SERPINE2: variants seen among roughly 807,000 people sequenced by gnomAD.
SERPINE2 encodes glia-derived nexin.
In SERPINE2, 14 loss-of-function variants were observed where a neutral mutation model predicts 36.3. The ratio of observed to expected loss-of-function variants is 0.39; its 90% CI spans 0.25 to 0.60. The LOEUF (loss-of-function observed/expected upper bound fraction) is 0.60. Ranked by LOEUF, SERPINE2 falls within the 20% of genes least tolerant of loss-of-function variation. SERPINE2 has a pLI of 0.57. For synonymous variants in SERPINE2, 192 were observed against 191.8 expected (o/e 1.00, Z -0.01); for missense variants, 418 against 499.6 (o/e 0.84, Z 1.56).
intron 5 of SERPINE2, among the ~76,000 whole-genome samples, chr2:223,983,614 C>T (rs527599008): frequency 1.3e-5 from 2 of 151,726 alleles, no homozygotes; most frequent in African/African-American, 2.4e-5. Context: ...GCATAGGTGA[C>T]ACGGTATTAT....
At chr2:224,038,153 T>C (rs1180792387) in intron 1 of SERPINE2, among the ~76,000 whole-genome samples, 1 of 152,202 alleles carries the variant, frequency 6.6e-6, no homozygotes, top group Non-Finnish European at 1.5e-5. Flanking sequence ...AATTATCACA[T>C]ATATTGTTCC....
intron 1 of SERPINE2, among the ~76,000 whole-genome samples, chr2:224,025,827 T>C (rs575873919): frequency 2.7e-5 from 4 of 150,812 alleles, no homozygotes; most frequent in South Asian, 2.1e-4. Context: ...GGCAAAAATA[T>C]ATTGACGATC....
At position 223,997,200 on chromosome 2, in the gene SERPINE2, G is replaced by GT. The variant is rs538402860; in HGVS notation, c.487+914dup. Among the ~76,000 whole-genome samples the GT allele has an allele frequency of 8.1e-5, 11 of 136,486 alleles. No individual in the cohort carries two copies. The South Asian group carries it at 2.0e-3, about 25-fold the overall frequency. 89.5% of individuals were successfully genotyped at this position (136,486 alleles called of 152,430 possible). On this transcript the variant is annotated intron_variant, in intron 3 of 8. Coordinates refer to ENST00000409304, the MANE Select transcript of SERPINE2 (RefSeq NM_001136528.2). ...CTGGACCTCCACGTTACAAATTAAG[G>GT]TTTTTTTGTTTTTTTGTTTCTTTTT...
chr2:223,982,944 A>AGAGAG (rs1690275314), intron 5 of SERPINE2, among the ~76,000 whole-genome samples, 163 bp from the exon 6 acceptor site: 2 of 152,260 alleles, frequency 1.3e-5, no homozygotes, highest in African/African-American at 4.8e-5. Context: ...CAGATAAGTA[A>AGAGAG]AGGACAACTC....
intron 1 of SERPINE2, among the ~76,000 whole-genome samples, chr2:224,005,058 ATATATAT>A (rs1250715401): frequency 1.2e-4 from 1 of 8,032 alleles, no homozygotes; most frequent in African/African-American, 3.5e-4. Flanking sequence ...TATATATTTT[ATATATAT>A]TATATATATA....
intron 1 of SERPINE2, among the ~76,000 whole-genome samples, chr2:224,020,648 G>A (rs187557793): frequency 5.6e-4 from 86 of 152,276 alleles, no homozygotes; most frequent in African/African-American, 1.7e-3. Flanking sequence ...AATGCCCCAC[G>A]AGTCATTTAA....
At chr2:224,029,261 G>A (rs1692283094) in intron 1 of SERPINE2, among the ~76,000 whole-genome samples, 1 of 152,148 alleles carries the variant, frequency 6.6e-6, no homozygotes, top group African/African-American at 2.4e-5. Flanking sequence ...TTACAATTAA[G>A]TCATCACACA....
chr2:224,004,482 ACGGGC>A (rs1691317062), intron 1 of SERPINE2, among the ~76,000 whole-genome samples: 2 of 152,194 alleles, frequency 1.3e-5, no homozygotes, highest in African/African-American at 4.8e-5. Flanking sequence ...CTTGGGCTCA[ACGGGC>A]CAGCGTGGCC....
intron 4 of SERPINE2, among the ~76,000 whole-genome samples, chr2:223,987,561 TA>T (rs1690484457): frequency 6.6e-6 from 1 of 152,182 alleles, no homozygotes; most frequent in Non-Finnish European, 1.5e-5. Flanking sequence ...TATAAAAACG[TA>T]AGTATAATAG....
At chr2:223,991,676 C>CT in intron 4 of SERPINE2, 127 bp downstream of exon 4, 1 of 967,980 alleles carries the variant, frequency 1.0e-6, no homozygotes, top group Admixed American at 2.0e-5. Context: ...CCTCTCAGCA[C>CT]CCTGCTCTGT....
chr2:224,016,089 T>C (rs2083122), intron 1 of SERPINE2, among the ~76,000 whole-genome samples: 143,803 of 152,340 alleles, frequency 0.94, 68,222 homozygotes, highest in Non-Finnish European at 0.99. Flanking sequence ...GATGTCACTA[T>C]ATGTCCAGAT....
chr2:224,005,237 A>G (rs971102456), intron 1 of SERPINE2, among the ~76,000 whole-genome samples: 2 of 151,718 alleles, frequency 1.3e-5, no homozygotes, highest in Non-Finnish European at 2.9e-5. Flanking sequence ...AATTTTCGCT[A>G]AAAGAACAGT....
chr2:224,034,425 G>C (rs762700273), intron 1 of SERPINE2, among the ~76,000 whole-genome samples: 1 of 152,156 alleles, frequency 6.6e-6, no homozygotes, highest in African/African-American at 2.4e-5. Flanking sequence ...TGCAGTTTAC[G>C]GGAGGTTCAG....
chr2:224,035,611 C>T lies in SERPINE2; in HGVS notation c.-23+3488G>A, dbSNP rs528294406. ...CTTGAACTCCTGACCTCAAGTGATC[C>T]GCCTGGTTCAGCCTCCCACAGTGCT... is the stretch of plus-strand genomic sequence containing the variant. On this transcript the variant is annotated intron_variant, in intron 1 of 8. Transcript: ENST00000409304. Among the ~76,000 whole-genome samples the T allele has an allele frequency of 7.9e-5, 12 of 152,218 alleles. No homozygotes were observed. The East Asian group carries it at 2.1e-3, about 27-fold the overall frequency.
chr2:224,032,025 C>T (rs1014005773), intron 1 of SERPINE2, among the ~76,000 whole-genome samples: 2 of 152,156 alleles, frequency 1.3e-5, no homozygotes, highest in African/African-American at 2.4e-5. Flanking sequence ...GCCTTGTTTC[C>T]GAGTTATTTT....
chr2:223,978,589 C>T (rs1690105487), intron 7 of SERPINE2: 1 of 152,236 alleles, frequency 6.6e-6, no homozygotes, highest in African/African-American at 2.4e-5. Flanking sequence ...ATTTAATAAG[C>T]CTGAACCAGG....
At chr2:224,000,652 C>T (rs1691080124) in intron 2 of SERPINE2, among the ~76,000 whole-genome samples, 1 of 152,100 alleles carries the variant, frequency 6.6e-6, no homozygotes. Context: ...GCCCCACATG[C>T]ATTAGGTATC....
intron 1 of SERPINE2, among the ~76,000 whole-genome samples, chr2:224,029,532 A>C (rs1416729918): frequency 1.3e-5 from 2 of 152,220 alleles, no homozygotes; most frequent in East Asian, 3.8e-4. Context: ...AATATTCACC[A>C]TATGTTTAAA....
rs1692611274 is a variant in SERPINE2 at position 224,038,706 on chromosome 2, C to T, written c.-23+393G>A. ...AGCCTAAGTCCGGGGTAGGGGTTGCCGGCGAGCAGCTGGAAACCTCAGGTT... is the reference window on the plus strand; with the variant it reads ...AGCCTAAGTCCGGGGTAGGGGTTGCTGGCGAGCAGCTGGAAACCTCAGGTT... On this transcript the variant is annotated intron_variant, in intron 1 of 8. Transcript: ENST00000409304. 12 of 606,890 alleles carry T rather than the reference C, an allele frequency of 2.0e-5. No individual in the cohort carries two copies. In the East Asian group the frequency reaches 3.3e-4, roughly 17 times the overall value. 37.6% of individuals were successfully genotyped at this position (606,890 alleles called of 1,614,324 possible).
Sources: gnomAD v4.1 joint callset for allele counts (sites outside exome capture counted in the v4.1 genomes callset) on GRCh38, gnomAD v4.1.1 for gene constraint, MANE v1.5 for transcripts, NCBI Gene and HGNC (gene_info 2026-07-23, HGNC 2026-07-21) for gene names.